The following TRHDE variants were observed in gnomAD, a reference collection of about 807,000 sequenced individuals.
TRHDE encodes the protein thyrotropin-releasing hormone-degrading ectoenzyme.
A neutral mutation model predicts 125.7 loss-of-function variants in TRHDE; 72 were observed. The observed-to-expected ratio is 0.57, with a 90% CI of 0.47 to 0.70. The LOEUF is 0.70. TRHDE is among the 30% of genes least tolerant of loss of function. TRHDE has a pLI of 0.00. For synonymous variants in TRHDE, 509 were observed against 509.1 expected, an observed-to-expected ratio of 1.00 and a Z score of 0.00; for missense variants, 1,110 against 1,327.1, an observed-to-expected ratio of 0.84 and a Z score of 2.54.
chr12:72,290,475 C>T (rs1880044628), intron 2 of TRHDE, among the ~76,000 whole-genome samples: 1 of 152,184 alleles, frequency 6.6e-6, no homozygotes, highest in South Asian at 2.1e-4. Flanking sequence ...GCAAACTACT[C>T]TAGAACTTAG....
At chr12:72,129,243 G>C (rs1369654063) in intron 2 of TRHDE, among the ~76,000 whole-genome samples, 1 of 152,142 alleles carries the variant, frequency 6.6e-6, no homozygotes, top group Admixed American at 6.5e-5. Flanking sequence ...CAGCAGACCT[G>C]CACTAAGTGG....
At chr12:72,359,305 T>C (rs545346271) in intron 2 of TRHDE, among the ~76,000 whole-genome samples, 1 of 151,596 alleles carries the variant, frequency 6.6e-6, no homozygotes, top group Non-Finnish European at 1.5e-5. Flanking sequence ...AGAATTATGG[T>C]TGGTAGTGAA....
At chr12:72,109,907 C>T (rs11614604) in intron 2 of TRHDE, among the ~76,000 whole-genome samples, 17,954 of 152,066 alleles carry the variant, frequency 0.12, 1,324 homozygotes, top group East Asian at 0.23. Context: ...GTTACACAGG[C>T]ATCTCTGTGC....
intron 2 of TRHDE, among the ~76,000 whole-genome samples, chr12:72,351,734 A>G (rs1227988083): frequency 6.6e-6 from 1 of 151,942 alleles, no homozygotes; most frequent in Admixed American, 6.6e-5. Context: ...CTTCTTTCCT[A>G]AAGCCCATCA....
At chr12:72,210,198 CT>C (rs1244925928) in intron 2 of TRHDE, among the ~76,000 whole-genome samples, 7 of 126,026 alleles carry the variant, frequency 5.6e-5, no homozygotes, top group African/African-American at 2.7e-4. Flanking sequence ...ATCTATCTAT[CT>C]ATCTATCTAC....
intron 3 of TRHDE, among the ~76,000 whole-genome samples, chr12:72,436,212 CTT>C (rs1321308762): frequency 6.6e-6 from 1 of 151,810 alleles, no homozygotes; most frequent in Admixed American, 6.6e-5. Context: ...TCTTTTTTGA[CTT>C]TTTTCCTAGC....
intron 3 of TRHDE, among the ~76,000 whole-genome samples, chr12:72,450,424 TA>T (rs754105468): frequency 5.9e-5 from 9 of 152,072 alleles, no homozygotes; most frequent in Admixed American, 2.6e-4. Context: ...AATTGATAAA[TA>T]AAAATTGTAT....
At chr12:72,220,435 A>G (rs1178249064) in intron 2 of TRHDE, among the ~76,000 whole-genome samples, 1 of 152,124 alleles carries the variant, frequency 6.6e-6, no homozygotes, top group African/African-American at 2.4e-5. Context: ...CATTTCATGT[A>G]AATTACTCTT....
At chr12:72,483,032 T>C (rs1024546344) in intron 5 of TRHDE, among the ~76,000 whole-genome samples, 11 of 152,010 alleles carry the variant, frequency 7.2e-5, no homozygotes, top group Non-Finnish European at 1.3e-4. Context: ...TTTGCTGGCA[T>C]ATTTGGGCTC....
intron 2 of TRHDE, among the ~76,000 whole-genome samples, chr12:72,164,092 A>T (rs1876692112): frequency 6.6e-6 from 1 of 152,184 alleles, no homozygotes; most frequent in African/African-American, 2.4e-5. Context: ...CCTGGGTAAC[A>T]GGAGCGAAAC....
chr12:72,343,837 C>A (rs1019920883), intron 2 of TRHDE, among the ~76,000 whole-genome samples: 1 of 152,074 alleles, frequency 6.6e-6, no homozygotes, highest in African/African-American at 2.4e-5. Context: ...CTTCTCAGGG[C>A]TGGGGAACCT....
At chr12:72,195,548 T>A (rs1233362750) in intron 2 of TRHDE, among the ~76,000 whole-genome samples, 1 of 152,184 alleles carries the variant, frequency 6.6e-6, no homozygotes, top group Non-Finnish European at 1.5e-5. Flanking sequence ...TATGTCTTAT[T>A]TGAGAAGTGT....
At chr12:72,440,490 AG>A (rs1450849723) in intron 3 of TRHDE, among the ~76,000 whole-genome samples, 1 of 151,878 alleles carries the variant, frequency 6.6e-6, no homozygotes, top group African/African-American at 2.4e-5. Flanking sequence ...CGTTTTGTAG[AG>A]GGCTCAAAAT....
intron 5 of TRHDE, among the ~76,000 whole-genome samples, chr12:72,480,129 G>A (rs1877099008): frequency 6.6e-6 from 1 of 151,830 alleles, no homozygotes; most frequent in African/African-American, 2.4e-5. Context: ...ACATACGTGT[G>A]CATGTGTCTT....
At chr12:72,459,393 C>T (rs897483418) in intron 3 of TRHDE, among the ~76,000 whole-genome samples, 1 of 152,178 alleles carries the variant, frequency 6.6e-6, no homozygotes, top group Non-Finnish European at 1.5e-5. Flanking sequence ...CAATAGCTAA[C>T]AGTTATTAAT....
At chr12:72,173,702 C>A (rs924615138) in intron 2 of TRHDE, among the ~76,000 whole-genome samples, 1 of 152,046 alleles carries the variant, frequency 6.6e-6, no homozygotes, top group Non-Finnish European at 1.5e-5. Flanking sequence ...ACAAAAAAGT[C>A]CCATATGCCC....
chr12:72,261,088 T>C (rs1878940254), intron 2 of TRHDE, among the ~76,000 whole-genome samples: 1 of 152,180 alleles, frequency 6.6e-6, no homozygotes, highest in Non-Finnish European at 1.5e-5. Context: ...TTAAGAAAGA[T>C]TTAGATTAAA....
At position 72,238,303 on chromosome 12, in the gene TRHDE, TATATATATATATATATATAC is replaced by T. The variant is rs1268778496; in HGVS notation, n.279+132563_279+132582del. Among the ~76,000 whole-genome samples, 33 of 32,034 alleles carry T rather than the reference TATATATATATATATATATAC, an allele frequency of 1.0e-3. 1 individual carries two copies. Among genetic ancestry groups the T allele is most frequent in the African/African-American group, 1.9e-3 (16 of 8,596 alleles). The allele number at this position is 32,034 out of a possible 152,430, so 21.0% of individuals were successfully genotyped here. A position where few individuals can be genotyped will look rare whatever the true frequency, so the allele number is the denominator to read the frequency against. ...ATATATATATATATATATATATATATATATATATATATATATATACATATATATATACACATTATATATAT... is the reference window on the plus strand; with the variant it reads ...ATATATATATATATATATATATATATATATATATATACACATTATATATAT... On this transcript the variant is annotated intron_variant and non_coding_transcript_variant, in intron 2 of 4. Transcript: ENST00000548156.
chr12:72,542,460 T>A, intron 7 of TRHDE, 104 bp downstream of exon 7: 1 of 828,164 alleles, frequency 1.2e-6, no homozygotes, highest in Non-Finnish European at 1.8e-6. Context: ...TGGAAAACTT[T>A]AAGATGTGTA....
Sources: gnomAD v4.1 joint callset for allele counts (sites outside exome capture counted in the v4.1 genomes callset) on GRCh38, gnomAD v4.1.1 for gene constraint, MANE v1.5 for transcripts, NCBI Gene and HGNC (gene_info 2026-07-23, HGNC 2026-07-21) for gene names.